Variants in BAZ2B observed in about 807,000 individuals in gnomAD.
BAZ2B encodes bromodomain adjacent to zinc finger domain protein 2B.
BAZ2B carries 91 observed loss-of-function variants against 246.0 expected under a neutral mutation model. The observed-to-expected ratio is 0.37, with a 90% CI of 0.31 to 0.44. BAZ2B has a LOEUF of 0.44. Ranked by LOEUF, BAZ2B falls within the 20% of genes least tolerant of loss-of-function variation. The pLI is 1.00. For missense variants in BAZ2B, 2,332 were observed against 2,533.7 expected, an observed-to-expected ratio of 0.92 and a Z score of 1.71; for synonymous variants, 855 against 860.0, an observed-to-expected ratio of 0.99 and a Z score of 0.10.
intron 4 of BAZ2B, among the ~76,000 whole-genome samples, chr2:159,450,704 T>C (rs968632444): frequency 3.3e-5 from 5 of 151,006 alleles, no homozygotes; most frequent in African/African-American, 1.2e-4. Flanking sequence ...TCTAAGTATA[T>C]TCAAAAGAAA....
chr2:159,562,610 G>A (rs2089985840), intron 1 of BAZ2B, among the ~76,000 whole-genome samples: 2 of 152,174 alleles, frequency 1.3e-5, no homozygotes, highest in Admixed American at 1.3e-4. Context: ...TCACTTGGGT[G>A]AAGTAATACA....
chr2:159,543,767 C>T (rs111616683), intron 2 of BAZ2B, among the ~76,000 whole-genome samples: 35,654 of 152,156 alleles, frequency 0.23, 5,532 homozygotes, highest in Admixed American at 0.36. Flanking sequence ...ATCCCTTGAC[C>T]TCATGATCCA....
In BAZ2B at chr2:159,350,131, A is replaced by G. The variant is rs550834254; in HGVS notation, c.4440T>C (p.Pro1480=). ...SKLLEVAKMP[P]ESEVMTPKPN... ...GTTTGGGGGTCATAACCTCTGACTCAGGAGGCATCTTAGCTACTTCCAAAA... is the reference window on the plus strand; with the variant it reads ...GTTTGGGGGTCATAACCTCTGACTCGGGAGGCATCTTAGCTACTTCCAAAA... Residue 1480 remains proline, a synonymous_variant, in exon 28 of 37, where the codon CCT becomes CCC. Transcript: ENST00000392783. 1 of 1,614,102 alleles carries G rather than the reference A, an allele frequency of 6.2e-7. No individual in the cohort carries two copies. The highest frequency in any genetic ancestry group is 1.3e-5 in the African/African-American group (1 of 75,060).
At chr2:159,475,435 C>G (rs754097630) in intron 3 of BAZ2B, among the ~76,000 whole-genome samples, 1 of 152,152 alleles carries the variant, frequency 6.6e-6, no homozygotes, top group African/African-American at 2.4e-5. Flanking sequence ...TCTGGTTATT[C>G]TAGTTAGCAA....
downstream of BAZ2B, among the ~76,000 whole-genome samples, chr2:159,317,896 C>T (rs115725097): frequency 1.1e-3 from 165 of 152,248 alleles, no homozygotes; most frequent in Non-Finnish European, 2.0e-3. Flanking sequence ...GTGCTCCAAC[C>T]GCAGCCCTTG....
At chr2:159,335,420 G>A (rs1288756657) in intron 33 of BAZ2B, among the ~76,000 whole-genome samples, 3 of 151,748 alleles carry the variant, frequency 2.0e-5, no homozygotes, top group African/African-American at 7.3e-5. Flanking sequence ...GGTGGTGCAC[G>A]CCTGTAATCC....
intron 34 of BAZ2B, among the ~76,000 whole-genome samples, chr2:159,329,498 C>T (rs551285490): frequency 9.9e-5 from 15 of 152,222 alleles, no homozygotes; most frequent in South Asian, 2.1e-4. Flanking sequence ...CACATCTTTT[C>T]GATTCTGTGA....
At chr2:159,495,814 G>A (rs1044171047) in intron 2 of BAZ2B, among the ~76,000 whole-genome samples, 3 of 149,856 alleles carry the variant, frequency 2.0e-5, no homozygotes, top group African/African-American at 7.3e-5. Flanking sequence ...CTGTTGCCCA[G>A]GCTGCAGTGC....
At chr2:159,442,283 A>G (rs2150323493) in intron 6 of BAZ2B, among the ~76,000 whole-genome samples, 1 of 152,274 alleles carries the variant, frequency 6.6e-6, no homozygotes, top group South Asian at 2.1e-4. Flanking sequence ...AAAAGCCACC[A>G]GCTAGAAGTG....
At chr2:159,693,424 C>CTTTTTTTTT in the BAZ2B span, 1 of 125,146 alleles carries the variant, frequency 8.0e-6, no homozygotes, top group Non-Finnish European at 1.6e-5. Context: ...TAAAAATAAA[C>CTTTTTTTTT]TTTTTTTTTT....
At chr2:159,680,217 A>G in the BAZ2B span, among the ~76,000 whole-genome samples, 1 of 152,234 alleles carries the variant, frequency 6.6e-6, no homozygotes, top group African/African-American at 2.4e-5. Context: ...AAGCAAGGAC[A>G]AAGAGGAAAA....
Position 159,382,611 on chromosome 2 carries a change from T to A in BAZ2B, c.3953A>T (p.Glu1318Val). Residue 1318 changes from glutamate (E) to valine (V), a missense_variant, in exon 25 of 37, where the codon GAA (glutamate) becomes GTA (valine). By Grantham distance (121) the Glu-to-Val change is moderately radical. This residue lies in a region of BAZ2B where 676 missense variants were observed against 668.6 expected (regional missense o/e 1.01). Transcript: ENST00000392783. ...TCCTTTTTTGTCTTCTTTATCTTCT[T>A]CATCCTCATCATCTTCATCCCCTTG... ...DDQGDEDDED[E>V]EDKEDKKGKK... 6.4e-7 allele frequency: 1 copy of A among 1,560,532 alleles called. No individual in the cohort carries two copies. The highest frequency in any genetic ancestry group is 8.7e-7 in the Non-Finnish European group (1 of 1,150,166).
intron 2 of BAZ2B, among the ~76,000 whole-genome samples, chr2:159,554,763 G>T (rs945141241): frequency 6.6e-6 from 1 of 151,988 alleles, no homozygotes; most frequent in Non-Finnish European, 1.5e-5. Context: ...TTATTTAAGA[G>T]AATTTTTCAA....
chr2:159,689,414 C>T, the BAZ2B span: 1 of 255,428 alleles, frequency 3.9e-6, no homozygotes, highest in Non-Finnish European at 7.3e-6. Flanking sequence ...CTCTGTCTCC[C>T]AGGCTAGAGT....
At chr2:159,357,596 CATTAAAAAATACAGAGAACGCCACA>C (rs1177572196) in intron 27 of BAZ2B, among the ~76,000 whole-genome samples, 1 of 151,376 alleles carries the variant, frequency 6.6e-6, no homozygotes, top group Non-Finnish European at 1.5e-5. Context: ...GACAGGCCAA[CATTAAAAAATACAGAGAACGCCACA>C]AAGATACTCC....
upstream of BAZ2B, among the ~76,000 whole-genome samples, chr2:159,621,542 A>G (rs1696430564): frequency 6.6e-6 from 1 of 152,254 alleles, no homozygotes; most frequent in African/African-American, 2.4e-5. Flanking sequence ...AAAGCTTAAT[A>G]GTTGGCACTG....
chr2:159,590,586 C>T (rs1420106153), intron 1 of BAZ2B, among the ~76,000 whole-genome samples: 5 of 137,512 alleles, frequency 3.6e-5, no homozygotes, highest in Non-Finnish European at 6.2e-5. Context: ...AACAAAACTC[C>T]GACTCAAAAT....
chr2:159,513,247 T>C (rs2083107253), intron 2 of BAZ2B, among the ~76,000 whole-genome samples: 1 of 152,250 alleles, frequency 6.6e-6, no homozygotes, highest in Non-Finnish European at 1.5e-5. Flanking sequence ...AATATTTTTG[T>C]TACTTTTTAA....
chr2:159,529,711 G>C (rs1276672862), intron 2 of BAZ2B, among the ~76,000 whole-genome samples: 1 of 152,086 alleles, frequency 6.6e-6, no homozygotes, highest in Non-Finnish European at 1.5e-5. Context: ...TTCACCAATA[G>C]AATGAAAAGC....
Sources: allele counts gnomAD v4.1 joint callset (sites outside exome capture counted in the v4.1 genomes callset), GRCh38; gene constraint gnomAD v4.1.1; regional missense constraint gnomAD v4.1.1; transcripts MANE v1.5; gene names NCBI Gene and HGNC (gene_info 2026-07-23, HGNC 2026-07-21).